Variants in EYA3 observed in about 807,000 individuals in gnomAD.
The protein encoded by EYA3 is protein phosphatase EYA3.
A neutral mutation model predicts 80.0 loss-of-function variants in EYA3; 39 were observed. The observed-to-expected ratio is 0.49, with a 90% CI of 0.38 to 0.64. The LOEUF is 0.64. Ranked by LOEUF, EYA3 falls within the 30% of genes least tolerant of loss-of-function variation. EYA3 has a pLI of 0.00. For synonymous variants in EYA3, 206 were observed against 232.8 expected (o/e 0.88, Z 1.05); for missense variants, 523 against 676.1 (o/e 0.77, Z 2.51).
chr1:28,080,748 CTT>C (rs1256222039), intron 1 of EYA3, among the ~76,000 whole-genome samples: 3 of 151,710 alleles, frequency 2.0e-5, no homozygotes, highest in Non-Finnish European at 2.9e-5. Context: ...TGATGGTTCT[CTT>C]TTTTGTTTGT....
intron 4 of EYA3, among the ~76,000 whole-genome samples, chr1:28,041,477 C>T (rs899536760): frequency 2.0e-5 from 3 of 151,978 alleles, no homozygotes; most frequent in South Asian, 2.1e-4. Flanking sequence ...CACTTGAACC[C>T]GGGAGGCGGA....
intron 1 of EYA3, among the ~76,000 whole-genome samples, chr1:28,071,785 T>C (rs1469843123): frequency 2.6e-5 from 4 of 152,330 alleles, no homozygotes; most frequent in Non-Finnish European, 5.9e-5. Context: ...CAAAAGTTCA[T>C]GTCAGTGTTG....
intron 14 of EYA3, 30 bp downstream of exon 14, chr1:27,993,370 A>C: frequency 6.3e-7 from 1 of 1,591,988 alleles, no homozygotes; most frequent in Non-Finnish European, 8.5e-7. Flanking sequence ...GAAGAAACAG[A>C]GAATCAGACT....
chr1:28,085,673 A>T (rs750510945), intron 1 of EYA3, among the ~76,000 whole-genome samples: 6 of 152,268 alleles, frequency 3.9e-5, no homozygotes, highest in Non-Finnish European at 7.3e-5. Flanking sequence ...CCTTAGGGCT[A>T]CCAACTAAAG....
chr1:28,086,159 A>G (rs919858416), intron 1 of EYA3, among the ~76,000 whole-genome samples: 1 of 152,162 alleles, frequency 6.6e-6, no homozygotes, highest in Non-Finnish European at 1.5e-5. Context: ...TCTTGAGAGC[A>G]TGTATAGGAC....
chr1:28,055,979 T>C (rs1644423793), intron 2 of EYA3, among the ~76,000 whole-genome samples: 1 of 151,422 alleles, frequency 6.6e-6, no homozygotes, highest in Non-Finnish European at 1.5e-5. Context: ...AGATCTCCAC[T>C]ACAGCCTGTG....
rs1447435853 is a variant in EYA3 at position 28,073,103 on chromosome 1, T to TTCTCTATATATATATATATATATATATA, written c.-68-15010_-68-15009insTATATATATATATATATATATATAGAGA. Among the ~76,000 whole-genome samples, 36 of 37,746 alleles carry TTCTCTATATATATATATATATATATATA rather than the reference T, an allele frequency of 9.5e-4. 1 individual carries two copies. The highest frequency in any genetic ancestry group is 1.3e-3 in the Non-Finnish European group (31 of 23,424). 24.8% of individuals were successfully genotyped at this position (37,746 alleles called of 152,430 possible). A position where few individuals can be genotyped will look rare whatever the true frequency, so the allele number is the denominator to read the frequency against. ...ATCCTTTTTGGGATTGATGAAACTA[T>TTCTCTATATATATATATATATATATATA]TATATATATATATATATATATATAT... On this transcript the variant is annotated intron_variant, in intron 1 of 17. Transcript: ENST00000373871.
chr1:28,087,535 G>A (rs1645700745), intron 1 of EYA3, among the ~76,000 whole-genome samples: 1 of 152,174 alleles, frequency 6.6e-6, no homozygotes. Flanking sequence ...GAACTCTTCA[G>A]CAGACCACTT....
At chr1:27,990,298 G>T (rs984673355) in intron 14 of EYA3, 1 of 169,924 alleles carries the variant, frequency 5.9e-6, no homozygotes. Flanking sequence ...TAGACTTCAT[G>T]CAGTACACTA....
chr1:28,039,501 G>C (rs955906476), intron 4 of EYA3, among the ~76,000 whole-genome samples: 1 of 152,174 alleles, frequency 6.6e-6, no homozygotes, highest in South Asian at 2.1e-4. Flanking sequence ...GAACTGATGT[G>C]ATACTCTGAT....
chr1:27,983,688 G>C (rs952950606), intron 16 of EYA3, among the ~76,000 whole-genome samples: 1 of 151,986 alleles, frequency 6.6e-6, no homozygotes, highest in Admixed American at 6.6e-5. Flanking sequence ...ATGGAGTTTC[G>C]CTCGTTGCCC....
chr1:28,031,074 C>T lies in EYA3; in HGVS notation c.362-3148G>A, dbSNP rs182837446. Among the ~76,000 whole-genome samples the T allele has an allele frequency of 2.8e-3, 431 of 152,164 alleles. 5 individuals carry two copies. Among genetic ancestry groups the T allele is most frequent in the African/African-American group, 9.3e-3 (385 of 41,510 alleles). Reference sequence around the variant, plus strand: ...TCAACTGAGAATGTTTTGATAGTCTCCCTCTTATAAGATCAAAAATTAGAA... The same window carrying T: ...TCAACTGAGAATGTTTTGATAGTCTTCCTCTTATAAGATCAAAAATTAGAA... On this transcript the variant is annotated intron_variant, in intron 6 of 17. Transcript: ENST00000373871.
Position 28,035,541 on chromosome 1 carries a change from TA to T in EYA3, c.361+2del, listed in dbSNP as rs1643400365. ...AGAAATTGTTTACAATACAGTGCCTTACCAAAAGGAGGTAGTCCATACGTTT... is the reference window on the plus strand; with the variant it reads ...AGAAATTGTTTACAATACAGTGCCTTCCAAAAGGAGGTAGTCCATACGTTT... On this transcript the variant is annotated splice_donor_variant, in intron 6 of 17. Transcript: ENST00000373871. LOFTEE classifies it high-confidence loss of function. The T allele has an allele frequency of 6.2e-7, 1 of 1,611,738 alleles. No homozygotes were observed. Among genetic ancestry groups the T allele is most frequent in the Non-Finnish European group, 8.5e-7 (1 of 1,179,322 alleles).
At chr1:28,043,496 T>C (rs559938570) in intron 3 of EYA3, among the ~76,000 whole-genome samples, 2 of 152,180 alleles carry the variant, frequency 1.3e-5, no homozygotes, top group African/African-American at 2.4e-5. Context: ...TTTCAGACAG[T>C]GGTTCTTGAT....
intron 11 of EYA3, among the ~76,000 whole-genome samples, chr1:28,002,002 G>A (rs896101885): frequency 1.5e-4 from 22 of 151,562 alleles, no homozygotes; most frequent in African/African-American, 5.1e-4. Flanking sequence ...CGCAACCTCC[G>A]CCTCCCAGGT....
At chr1:28,039,442 T>A (rs1319667843) in intron 4 of EYA3, among the ~76,000 whole-genome samples, 1 of 152,226 alleles carries the variant, frequency 6.6e-6, no homozygotes, top group Non-Finnish European at 1.5e-5. Flanking sequence ...TTATTTTTTC[T>A]GTTTTGTAGT....
At chr1:28,027,685 G>C in intron 7 of EYA3, 104 bp downstream of exon 7, 1 of 1,435,062 alleles carries the variant, frequency 7.0e-7, no homozygotes, top group South Asian at 1.3e-5. Context: ...TTAGAAGACA[G>C]AGCTCCTGTA....
intron 13 of EYA3, among the ~76,000 whole-genome samples, chr1:27,994,899 G>T (rs949647788): frequency 1.3e-5 from 2 of 151,486 alleles, no homozygotes; most frequent in East Asian, 1.9e-4. Context: ...AGCCCAGGAG[G>T]CTATTGGGAA....
chr1:28,007,911 C>T lies in EYA3; in HGVS notation c.909+3036G>A, dbSNP rs12025138. Among the ~76,000 whole-genome samples, 67 of 152,146 alleles carry T rather than the reference C, an allele frequency of 4.4e-4. No individual in the cohort carries two copies. In the East Asian group the frequency reaches 0.013, roughly 29 times the overall value. ...ATTGCATTCTAAAATTCTTATGAATCTCAAGGAACCCCAAATAGCCAAAAC... is the reference window on the plus strand; with the variant it reads ...ATTGCATTCTAAAATTCTTATGAATTTCAAGGAACCCCAAATAGCCAAAAC... On this transcript the variant is annotated intron_variant, in intron 10 of 17. Transcript: ENST00000373871.
Sources: allele counts gnomAD v4.1 joint callset (sites outside exome capture counted in the v4.1 genomes callset), GRCh38; gene constraint gnomAD v4.1.1; transcripts MANE v1.5; gene names NCBI Gene and HGNC (gene_info 2026-07-23, HGNC 2026-07-21).